The following MUC17 variants were observed in gnomAD, a reference collection of about 807,000 sequenced individuals.
MUC17 encodes the protein mucin-17.
Under a neutral mutation model 170.3 loss-of-function variants are expected in MUC17, and 190 were observed. The observed-to-expected ratio is 1.12, with a 90% confidence interval of 0.99 to 1.26. MUC17 has a LOEUF of 1.26. Ranked by LOEUF, MUC17 falls within the 50% of genes most tolerant of loss-of-function variation. MUC17 has a pLI of 0.00. For synonymous variants in MUC17, 2,325 were observed against 2,002.5 expected, an observed-to-expected ratio of 1.16 and a Z score of -4.30; for missense variants, 6,415 against 5,530.0, an observed-to-expected ratio of 1.16 and a Z score of -5.08.
In MUC17 at chr7:101,058,009, A is replaced by G. The variant is rs1277815547; in HGVS notation, c.13447A>G (p.Ile4483Val). ...RHIDPETKIR[I>V]QRPQVMTTSF ...GTTTTATCTCTCTTTTCAGATCCGAATTCAGAGGCCTCAGGTAATGACGAC... is the reference window on the plus strand; with the variant it reads ...GTTTTATCTCTCTTTTCAGATCCGAGTTCAGAGGCCTCAGGTAATGACGAC... Residue 4483 changes from isoleucine to valine, a missense_variant, in exon 13 of 13, where the codon ATT becomes GTT. By Grantham distance (29) the Ile-to-Val change is conservative. Transcript: ENST00000306151. The G allele has an allele frequency of 1.2e-6, 2 of 1,613,870 alleles. No individual in the cohort carries two copies. Among genetic ancestry groups the G allele is most frequent in the East Asian group, 2.2e-5 (1 of 44,872 alleles).
In MUC17 at chr7:101,037,235, G is replaced by A. The variant is rs766586572; in HGVS notation, c.5819G>A (p.Ser1940Asn). Residue 1940 changes from serine to asparagine, a missense_variant, in exon 3 of 13, where the codon AGT becomes AAT. Physicochemically the swap from Ser to Asn is conservative, Grantham distance 46. Transcript: ENST00000306151. ...SIPVSTTTVA[S>N]SEINTLSTTL... ...CCTGTCAGCACCACAACAGTGGCCA[G>A]TTCTGAAATCAACACCCTTTCAACA... is the stretch of plus-strand genomic sequence containing the variant. 1 of 1,611,334 alleles carries A rather than the reference G, an allele frequency of 6.2e-7. No homozygotes were observed. The highest frequency in any genetic ancestry group is 1.3e-5 in the African/African-American group (1 of 74,958).
chr7:101,055,759 A>G (rs886726904), intron 11 of MUC17, among the ~76,000 whole-genome samples: 3 of 152,246 alleles, frequency 2.0e-5, no homozygotes, highest in African/African-American at 2.4e-5. Context: ...CAGGCCATTA[A>G]AAAAGCCTCA....
Position 101,036,575 on chromosome 7 carries a change from C to G in MUC17, c.5159C>G (p.Pro1720Arg). The stretch of plus-strand genomic sequence containing the variant: ...ACAACTCCCGTTGACAACAGCACAC[C>G]TGTGACCACTTCTACTGAAGCCCGT... ...LSTTPVDNST[P>R]VTTSTEARSS... Residue 1720 changes from proline to arginine, a missense_variant, in exon 3 of 13, where the codon CCT becomes CGT. Coordinates refer to ENST00000306151, the MANE Select transcript of MUC17 (RefSeq NM_001040105.2). 2 of 1,613,562 alleles carry G rather than the reference C, an allele frequency of 1.2e-6. No homozygotes were observed. The highest frequency in any genetic ancestry group is 1.7e-6 in the Non-Finnish European group (2 of 1,179,642).
rs201389667 is a variant in MUC17, at chr7:101,033,038, C to A, written c.1622C>A (p.Pro541His). 5.5e-5 allele frequency: 89 copies of A among 1,611,612 alleles called. No homozygotes were observed. The highest frequency in any genetic ancestry group is 7.1e-5 in the Non-Finnish European group (84 of 1,179,422). The change falls in exon 3 of 13, where the codon CCT becomes CAT. Residue 541 changes from proline (P) to histidine (H), a missense_variant. Pro to His is a moderately conservative substitution (Grantham distance 77, BLOSUM62 -2). Coordinates refer to ENST00000306151, the MANE Select transcript of MUC17 (RefSeq NM_001040105.2). ...LSTTPVDTST[P>H]VTTSSEASSS... ...ACAACTCCTGTTGACACCAGCACAC[C>A]TGTGACCACTTCTAGTGAAGCCAGT...
In MUC17 at chr7:101,042,106, A is replaced by G; in HGVS notation, c.10690A>G (p.Thr3564Ala). The change falls in exon 3 of 13, where the codon ACC (threonine) becomes GCC (alanine). Residue 3564 changes from threonine (T) to alanine (A), a missense_variant. Transcript: ENST00000306151. Reference sequence around the variant, plus strand: ...TTCATCTCCAGCAACTCTTCAGGTCACCACTATGCGTATGTCTACTCCAAG... The same window carrying G: ...TTCATCTCCAGCAACTCTTCAGGTCGCCACTATGCGTATGTCTACTCCAAG... ...ASSSPATLQV[T>A]TMRMSTPSEG... The G allele has an allele frequency of 1.9e-6, 3 of 1,614,162 alleles. No homozygotes were observed. Among genetic ancestry groups the G allele is most frequent in the East Asian group, 2.2e-5 (1 of 44,874 alleles).
At chr7:101,049,539 C>G (rs1361834608) in intron 6 of MUC17, among the ~76,000 whole-genome samples, 157 bp downstream of exon 6, 1 of 152,166 alleles carries the variant, frequency 6.6e-6, no homozygotes, top group Non-Finnish European at 1.5e-5. Context: ...ATCTATTTCT[C>G]CCAGTTCTAG....
At chr7:101,031,551 T>A in intron 2 of MUC17, 50 bp from the exon 3 acceptor site, 1 of 1,497,532 alleles carries the variant, frequency 6.7e-7, no homozygotes, top group Non-Finnish European at 8.9e-7. Flanking sequence ...ACTCCTGACA[T>A]ACAGAACCCT....
In MUC17 at chr7:101,037,180, A is replaced by G. The variant is rs1446147715; in HGVS notation, c.5764A>G (p.Arg1922Gly). The change falls in exon 3 of 13, where the codon AGG becomes GGG. Residue 1922 changes from arginine to glycine, a missense_variant. Physicochemically the swap from Arg to Gly is moderately radical, Grantham distance 125. Transcript: ENST00000306151. Reference protein sequence around the residue: ...DGSSMPTSTPREGRPPLTSIP... With the variant: ...DGSSMPTSTPGEGRPPLTSIP... ...TAGCAGCATGCCAACCTCAACTCCT[A>G]GGGAAGGAAGGCCTCCATTAACAAG... is the stretch of plus-strand genomic sequence containing the variant. 1.2e-6 allele frequency: 2 copies of G among 1,612,888 alleles called. No homozygotes were observed. The highest frequency in any genetic ancestry group is 8.5e-7 in the Non-Finnish European group (1 of 1,179,706).
rs1794281866 is a variant in MUC17 at position 101,031,684 on chromosome 7, G to C, written c.268G>C (p.Glu90Gln). The change falls in exon 3 of 13, where the codon GAG (glutamate) becomes CAG (glutamine). Residue 90 changes from glutamate to glutamine, a missense_variant. Glu to Gln is a conservative substitution (Grantham distance 29). Transcript: ENST00000306151. ...GTATTTGAGTTGCAGCACCAACCCT[G>C]AGATGACCTCGATTGAGTCCAGTGT... The part of the protein sequence containing the change: ...RMYLSCSTNP[E>Q]MTSIESSVTS... The C allele has an allele frequency of 6.2e-7, 1 of 1,604,562 alleles. No homozygotes were observed. The highest frequency in any genetic ancestry group is 8.5e-7 in the Non-Finnish European group (1 of 1,174,310).
chr7:101,031,268 C>A (rs539367677), intron 2 of MUC17, 47 bp downstream of exon 2: 1 of 1,586,720 alleles, frequency 6.3e-7, no homozygotes, highest in South Asian at 1.2e-5. Context: ...GGCTCACCTG[C>A]GAAAGGGCTA....
chr7:101,052,097 C>T, intron 9 of MUC17, 135 bp downstream of exon 9: 2 of 1,068,564 alleles, frequency 1.9e-6, no homozygotes, highest in South Asian at 3.1e-5. Flanking sequence ...ATGTGTCCAG[C>T]TGCAGAGGAA....
chr7:101,034,260 T>A lies in MUC17; in HGVS notation c.2844T>A (p.Pro948=), dbSNP rs748466386. The change falls in exon 3 of 13, where the codon CCT becomes CCA. Residue 948 remains proline (P), a synonymous_variant. Transcript: ENST00000306151. The stretch of plus-strand genomic sequence containing the variant: ...AGGCTAGAACACTTTCAGCAACTCC[T>A]GTTGACACCAGCACACCTGTGACCA... ...SSEARTLSAT[P]VDTSTPVTTS... 2.7e-5 allele frequency: 43 copies of A among 1,609,038 alleles called. No individual in the cohort carries two copies. In the African/African-American group the frequency reaches 4.6e-4, roughly 17 times the overall value.
Position 101,053,351 on chromosome 7 carries a change from A to G in MUC17, c.13278A>G (p.Arg4426=), listed in dbSNP as rs146358169. Reference sequence around the variant, plus strand: ...TTTCCATCACTAGGCAAAAGTACAGATTGTCTCAGTTATACAAGTGGCAAG... The same window carrying G: ...TTTCCATCACTAGGCAAAAGTACAGGTTGTCTCAGTTATACAAGTGGCAAG... The part of the protein sequence containing the change: ...SKREVKRQKY[R]LSQLYKWQEE... The change falls in exon 11 of 13, where the codon AGA becomes AGG. Residue 4426 remains arginine, a synonymous_variant. Coordinates refer to ENST00000306151, the MANE Select transcript of MUC17 (RefSeq NM_001040105.2). 8.7e-6 allele frequency: 14 copies of G among 1,613,920 alleles called. No homozygotes were observed. Among genetic ancestry groups the G allele is most frequent in the Non-Finnish European group, 1.2e-5 (14 of 1,179,978 alleles).
At chr7:101,048,701 CAAG>C in intron 4 of MUC17, 141 bp from the exon 5 acceptor site, 1 of 704,278 alleles carries the variant, frequency 1.4e-6, no homozygotes, top group Non-Finnish European at 2.3e-6. Context: ...GGAAATAAAA[CAAG>C]AAGGTGTATT....
At chr7:101,025,055 A>C (rs1049489512) in intron 1 of MUC17, among the ~76,000 whole-genome samples, 6 of 151,816 alleles carry the variant, frequency 4.0e-5, no homozygotes, top group Non-Finnish European at 8.8e-5. Flanking sequence ...TTTGGGGAGA[A>C]CAGAGCCAAC....
In MUC17 at chr7:101,039,198, T is replaced by C; in HGVS notation, c.7782T>C (p.Leu2594=). 6.2e-7 allele frequency: 1 copy of C among 1,613,668 alleles called. No individual in the cohort carries two copies. Among genetic ancestry groups the C allele is most frequent in the South Asian group, 1.1e-5 (1 of 91,032 alleles). Reference sequence around the variant, plus strand: ...TGGCCAGTTCTGAGGCTAGCACTCTTTCAACAACTCCTGTTGACACCAGCA... The same window carrying C: ...TGGCCAGTTCTGAGGCTAGCACTCTCTCAACAACTCCTGTTGACACCAGCA... The part of the protein sequence containing the change: ...KPLASSEAST[L]STTPVDTSIP... The change falls in exon 3 of 13, where the codon CTT becomes CTC. Residue 2594 remains leucine (L), a synonymous_variant. Coordinates refer to ENST00000306151, the MANE Select transcript of MUC17 (RefSeq NM_001040105.2).
intron 6 of MUC17, 84 bp from the exon 7 acceptor site, chr7:101,050,400 C>G (rs1179347723): frequency 6.5e-7 from 1 of 1,538,534 alleles, no homozygotes; most frequent in African/African-American, 1.4e-5. Flanking sequence ...CCCTTGGGAT[C>G]AGAGAGGGTG....
At position 101,030,444 on chromosome 7, in the gene MUC17, C is replaced by T. The variant is rs548486974; in HGVS notation, c.83-676C>T. On this transcript the variant is annotated intron_variant, in intron 1 of 12. Transcript: ENST00000306151. ...TTTGCCATGTTGGCCAGGCTGGTCTCGAACTCCTGACCTCGTGATCCACCT... is the reference window on the plus strand; with the variant it reads ...TTTGCCATGTTGGCCAGGCTGGTCTTGAACTCCTGACCTCGTGATCCACCT... Among the ~76,000 whole-genome samples, 6 of 152,170 alleles carry T rather than the reference C, an allele frequency of 3.9e-5. No homozygotes were observed. In the South Asian group the frequency reaches 8.3e-4, roughly 21 times the overall value.
intron 4 of MUC17, chr7:101,048,342 C>A: frequency 3.1e-6 from 1 of 324,774 alleles, no homozygotes; most frequent in Non-Finnish European, 5.4e-6. Flanking sequence ...GCCTGTAATT[C>A]CAGTACTTTG....
Sources: allele counts gnomAD v4.1 joint callset (sites outside exome capture counted in the v4.1 genomes callset), GRCh38; gene constraint gnomAD v4.1.1; transcripts MANE v1.5; gene names NCBI Gene and HGNC (gene_info 2026-07-23, HGNC 2026-07-21).